ATP10D: variants seen among roughly 807,000 people sequenced by gnomAD.
ATP10D encodes phospholipid-transporting ATPase VD.
In ATP10D, 89 loss-of-function variants were observed where a neutral mutation model predicts 144.8. The observed-to-expected ratio is 0.61, with a 90% CI of 0.52 to 0.73. ATP10D has a LOEUF of 0.73. Among genes scored for constraint, ATP10D ranks in the 30% least tolerant of loss-of-function variants. The pLI is 0.00. For missense variants in ATP10D, 1,603 were observed against 1,714.8 expected (o/e 0.93, Z 1.15); for synonymous variants, 571 against 615.1 (o/e 0.93, Z 1.06).
intron 11 of ATP10D, chr4:47,556,897 A>G (rs1359136809): frequency 6.6e-6 from 1 of 152,184 alleles, no homozygotes; most frequent in African/African-American, 2.4e-5. Context: ...AGTTCTATGA[A>G]AATAGAAATT....
chr4:47,554,929 T>C lies in ATP10D; in HGVS notation c.1824+15T>C, dbSNP rs1296153251. On this transcript the variant is annotated intron_variant, in intron 11 of 22. Coordinates refer to ENST00000273859, the MANE Select transcript of ATP10D (RefSeq NM_020453.4). ...CCCGACAAAAGGTGAGTAAGTTCTCTAATGCAAACAAGGGTCACTTTCCAG... is the reference window on the plus strand; with the variant it reads ...CCCGACAAAAGGTGAGTAAGTTCTCCAATGCAAACAAGGGTCACTTTCCAG... 1 of 1,609,640 alleles carries C rather than the reference T, an allele frequency of 6.2e-7. No homozygotes were observed. Among genetic ancestry groups the C allele is most frequent in the East Asian group, 2.2e-5 (1 of 44,826 alleles).
chr4:47,524,189 G>C (rs1169421308), intron 4 of ATP10D, among the ~76,000 whole-genome samples: 1 of 152,080 alleles, frequency 6.6e-6, no homozygotes, highest in African/African-American at 2.4e-5. Flanking sequence ...GCCTCCCAAA[G>C]TGCTGGGATT....
intron 1 of ATP10D, among the ~76,000 whole-genome samples, chr4:47,510,746 A>G (rs4423850): frequency 0.12 from 18,438 of 152,264 alleles, 1,447 homozygotes; most frequent in South Asian, 0.24. Flanking sequence ...TGTATTTCAG[A>G]ATTTAAAAAG....
chr4:47,521,440 A>G (rs896785669), intron 3 of ATP10D, among the ~76,000 whole-genome samples: 1 of 152,038 alleles, frequency 6.6e-6, no homozygotes, highest in African/African-American at 2.4e-5. Flanking sequence ...TTCATCTTTT[A>G]TGTATCTGTG....
chr4:47,554,911 A>G lies in ATP10D; in HGVS notation c.1821A>G (p.Gln607=), dbSNP rs1035473539. Residue 607 remains glutamine, a synonymous_variant, in exon 11 of 23, where the codon CAA becomes CAG. Coordinates refer to ENST00000273859, the MANE Select transcript of ATP10D (RefSeq NM_020453.4). Reference sequence around the variant, plus strand: ...TTTCTGCTCCTAACCAACCCCGACAAAAGGTGAGTAAGTTCTCTAATGCAA... The same window carrying G: ...TTTCTGCTCCTAACCAACCCCGACAGAAGGTGAGTAAGTTCTCTAATGCAA... ...VVVSAPNQPR[Q]KIRHPSLGGL... The G allele has an allele frequency of 6.2e-7, 1 of 1,613,152 alleles. No homozygotes were observed. The highest frequency in any genetic ancestry group is 8.5e-7 in the Non-Finnish European group (1 of 1,179,458).
intron 10 of ATP10D, among the ~76,000 whole-genome samples, chr4:47,553,149 A>C (rs918842695): frequency 6.6e-6 from 1 of 152,176 alleles, no homozygotes; most frequent in East Asian, 1.9e-4. Flanking sequence ...CCAAATAAAA[A>C]AGTCTCTCCA....
chr4:47,530,806 G>A lies in ATP10D; in HGVS notation c.777-4703G>A, dbSNP rs183579385. Among the ~76,000 whole-genome samples, 796 of 152,262 alleles carry A rather than the reference G, an allele frequency of 5.2e-3. 13 individuals carry two copies. The highest frequency in any genetic ancestry group is 0.024 in the Admixed American group (369 of 15,288). On this transcript the variant is annotated intron_variant, in intron 5 of 22. Coordinates refer to ENST00000273859, the MANE Select transcript of ATP10D (RefSeq NM_020453.4). ...TGTGGTGAATCACATTTATTGATTTGTATATGTTAAACTATCCTTCTGTCT... is the reference window on the plus strand; with the variant it reads ...TGTGGTGAATCACATTTATTGATTTATATATGTTAAACTATCCTTCTGTCT...
intron 22 of ATP10D, among the ~76,000 whole-genome samples, chr4:47,589,423 TG>T (rs1217523515): frequency 1.3e-5 from 2 of 152,154 alleles, no homozygotes; most frequent in African/African-American, 2.4e-5. Flanking sequence ...AACTGGATAA[TG>T]GGCAGAGGCA....
chr4:47,499,991 C>T (rs1179791110), intron 1 of ATP10D, among the ~76,000 whole-genome samples: 2 of 152,206 alleles, frequency 1.3e-5, no homozygotes, highest in Admixed American at 6.5e-5. Context: ...TAGTGAGCTA[C>T]ATACCATGAA....
intron 2 of ATP10D, 70 bp downstream of exon 2, chr4:47,512,900 C>T (rs543941166): frequency 1.4e-6 from 2 of 1,400,530 alleles, no homozygotes; most frequent in South Asian, 2.8e-5. Context: ...TTTTCATTTT[C>T]ATAACCCTGT....
At chr4:47,579,931 C>T (rs953789338) in intron 19 of ATP10D, among the ~76,000 whole-genome samples, 2 of 152,196 alleles carry the variant, frequency 1.3e-5, no homozygotes, top group African/African-American at 4.8e-5. Flanking sequence ...GGGTTTAAAA[C>T]CATCTGGCTG....
chr4:47,521,502 A>G (rs747112855), intron 3 of ATP10D, among the ~76,000 whole-genome samples: 3 of 152,160 alleles, frequency 2.0e-5, no homozygotes, highest in Non-Finnish European at 4.4e-5. Context: ...AATTATTTCA[A>G]TAACTTACCG....
At position 47,563,753 on chromosome 4, in the gene ATP10D, T is replaced by A; in HGVS notation, c.2841T>A (p.Asn947Lys). ...LEPDDKLFIL[N>K]TQSKDACGML... is the part of the protein sequence containing the mutation. The stretch of plus-strand genomic sequence containing the variant: ...CAGATGACAAGCTTTTTATCCTCAA[T>A]ACCCAAAGTAAAGTGCGTATATTGA... Residue 947 changes from asparagine to lysine, a missense_variant, in exon 15 of 23, where the codon AAT (asparagine) becomes AAA (lysine). Asn to Lys is a moderately conservative substitution (Grantham distance 94). Transcript: ENST00000273859. 6.2e-7 allele frequency: 1 copy of A among 1,606,332 alleles called. No individual in the cohort carries two copies. Among genetic ancestry groups the A allele is most frequent in the Non-Finnish European group, 8.5e-7 (1 of 1,176,900 alleles).
intron 15 of ATP10D, among the ~76,000 whole-genome samples, chr4:47,566,219 A>G (rs1719631381): frequency 6.6e-6 from 1 of 152,236 alleles, no homozygotes; most frequent in Non-Finnish European, 1.5e-5. Flanking sequence ...TCTTCAATTT[A>G]CAAATTAGAT....
chr4:47,552,337 G>A (rs1269066085), intron 10 of ATP10D, among the ~76,000 whole-genome samples: 2 of 152,196 alleles, frequency 1.3e-5, no homozygotes, highest in African/African-American at 4.8e-5. Flanking sequence ...CATAAACTGG[G>A]TAGCTTAGAA....
intron 2 of ATP10D, among the ~76,000 whole-genome samples, chr4:47,513,449 G>C (rs555843686): frequency 3.9e-5 from 6 of 152,152 alleles, no homozygotes; most frequent in Admixed American, 6.5e-5. Context: ...TGTTATAAAG[G>C]GCTGTCAAAT....
intron 21 of ATP10D, chr4:47,583,230 G>C (rs536405792): frequency 2.0e-5 from 3 of 152,290 alleles, no homozygotes; most frequent in South Asian, 2.1e-4. Context: ...TGCCTATTTT[G>C]TTCACCACTG....
At chr4:47,586,052 GT>G (rs1393836591) in intron 21 of ATP10D, among the ~76,000 whole-genome samples, 1 of 152,128 alleles carries the variant, frequency 6.6e-6, no homozygotes, top group Non-Finnish European at 1.5e-5. Flanking sequence ...TTAATTTTTA[GT>G]TTTTTGAGGA....
intron 2 of ATP10D, among the ~76,000 whole-genome samples, chr4:47,514,521 G>C (rs1226023023): frequency 1.3e-5 from 2 of 152,160 alleles, no homozygotes; most frequent in Non-Finnish European, 2.9e-5. Flanking sequence ...GGAAAAATAT[G>C]TTATCAAAAT....
Sources: allele counts gnomAD v4.1 joint callset (sites outside exome capture counted in the v4.1 genomes callset), GRCh38; gene constraint gnomAD v4.1.1; transcripts MANE v1.5; gene names NCBI Gene and HGNC (gene_info 2026-07-23, HGNC 2026-07-21).